RYR1: variants seen among roughly 807,000 people sequenced by gnomAD.
RYR1 encodes the protein ryanodine receptor 1, also known as central core disease of muscle.
Under a neutral mutation model 583.5 loss-of-function variants are expected in RYR1, and 342 were observed. The observed-to-expected ratio is 0.59, with a 90% CI of 0.54 to 0.64. The LOEUF is 0.64. Ranked by LOEUF, RYR1 falls within the 30% of genes least tolerant of loss-of-function variation. The pLI, the probability that RYR1 is intolerant of heterozygous loss-of-function variation, is 0.00. For missense variants in RYR1, 6,032 were observed against 6,917.2 expected, an observed-to-expected ratio of 0.87 and a Z score of 4.54; for synonymous variants, 2,791 against 2,822.5, an observed-to-expected ratio of 0.99 and a Z score of 0.35.
intron 58 of RYR1, among the ~76,000 whole-genome samples, chr19:38,509,459 T>A (rs1366060211): frequency 5.2e-4 from 76 of 146,612 alleles, no homozygotes; most frequent in Admixed American, 1.8e-3. Context: ...TATTTTTTTT[T>A]TTTTTTTTTT....
At chr19:38,437,379 G>A (rs887959070) in intron 1 of RYR1, among the ~76,000 whole-genome samples, 3 of 151,972 alleles carry the variant, frequency 2.0e-5, no homozygotes, top group East Asian at 1.9e-4. Context: ...GGAAAAGTTT[G>A]AGAATCAATG....
chr19:38,500,876 G>A lies in RYR1; in HGVS notation c.7500G>A (p.Ala2500=), dbSNP rs2228072. 0.099 allele frequency: 159,394 copies of A among 1,613,846 alleles called. 9,084 individuals are homozygous for A. Among genetic ancestry groups the A allele is most frequent in the South Asian group, 0.22 (20,115 of 91,072 alleles). ...MSASFVPDHK[A]SMVLFLDRVY... ...CATCCTTCGTGCCGGACCACAAGGCGTCCATGGTGCTCTTCCTGGACCGTG... is the reference window on the plus strand; with the variant it reads ...CATCCTTCGTGCCGGACCACAAGGCATCCATGGTGCTCTTCCTGGACCGTG... The change falls in exon 47 of 106, where the codon GCG becomes GCA. Residue 2500 remains alanine (A), a synonymous_variant. Transcript: ENST00000359596. This position sits in a 1 kb window ranked among gnomAD's most constrained non-coding sequence, Gnocchi z 5.9.
chr19:38,506,617 G>A (rs1970463883), intron 56 of RYR1, 71 bp downstream of exon 56: 1 of 1,575,940 alleles, frequency 6.3e-7, no homozygotes, highest in African/African-American at 1.4e-5. Flanking sequence ...TTGCCTTCAT[G>A]CCCCTGAAAC....
At chr19:38,446,159 ACACT>A (rs893368215) in intron 7 of RYR1, among the ~76,000 whole-genome samples, 5 of 151,920 alleles carry the variant, frequency 3.3e-5, no homozygotes, top group Admixed American at 6.6e-5. Flanking sequence ...CACCACACAC[ACACT>A]CTGACCCCAA....
At chr19:38,437,964 G>A (rs1972499210) in intron 1 of RYR1, among the ~76,000 whole-genome samples, 1 of 148,912 alleles carries the variant, frequency 6.7e-6, no homozygotes, top group South Asian at 2.1e-4. Context: ...TCCACCCCAG[G>A]AGACAGAGTG....
chr19:38,512,266 T>C lies in RYR1; in HGVS notation c.9255T>C (p.Pro3085=). 1 of 1,614,000 alleles carries C rather than the reference T, an allele frequency of 6.2e-7. No homozygotes were observed. The highest frequency in any genetic ancestry group is 2.2e-5 in the East Asian group (1 of 44,890). The change falls in exon 63 of 106, where the codon CCT becomes CCC. Residue 3085 remains proline (P), a synonymous_variant. Transcript: ENST00000359596. The surrounding 1 kb of genome is among the most constrained non-coding windows in gnomAD (Gnocchi z 5.1). ...CTAGGACAGTGATGAAGTCAGGCCCTGAGATCGTGAAGGCTGGCCTCCGCT... is the reference window on the plus strand; with the variant it reads ...CTAGGACAGTGATGAAGTCAGGCCCCGAGATCGTGAAGGCTGGCCTCCGCT... ...LDARTVMKSG[P]EIVKAGLRSF...
Position 38,514,611 on chromosome 19 carries a change from AAGAT to A in RYR1, c.9473-412_9473-409del, listed in dbSNP as rs372652689. Among the ~76,000 whole-genome samples the A allele has an allele frequency of 5.0e-3, 760 of 152,188 alleles. 6 individuals carry two copies. Among genetic ancestry groups the A allele is most frequent in the African/African-American group, 0.017 (717 of 41,528 alleles). ...TATATACATTTTAAATAAAATGAAAAAGATAGCCTAAAATTGCAGCAATATTGCA... is the reference window on the plus strand; with the variant it reads ...TATATACATTTTAAATAAAATGAAAAAGCCTAAAATTGCAGCAATATTGCA... On this transcript the variant is annotated intron_variant, in intron 63 of 105. Transcript: ENST00000359596.
chr19:38,512,575 AT>A lies in RYR1; in HGVS notation c.9472+93del, dbSNP rs1970781002. On this transcript the variant is annotated intron_variant, in intron 63 of 105. Coordinates refer to ENST00000359596, the MANE Select transcript of RYR1 (RefSeq NM_000540.3). The surrounding 1 kb of genome is among the most constrained non-coding windows in gnomAD (Gnocchi z 5.1). ...CCTGTGAGAGTCCCTGGGTGTTTGA[AT>A]GTGTGGATTTCTTGCTGTAAGCAAA... 5.7e-6 allele frequency: 7 copies of A among 1,221,294 alleles called. No individual in the cohort carries two copies. The South Asian group carries it at 8.5e-5, about 15-fold the overall frequency. 75.7% of individuals were successfully genotyped at this position (1,221,294 alleles called of 1,614,324 possible).
intron 90 of RYR1, among the ~76,000 whole-genome samples, chr19:38,562,457 A>C (rs1216466151): frequency 6.6e-6 from 1 of 151,904 alleles, no homozygotes; most frequent in East Asian, 1.9e-4. Context: ...GTTGTTCCTC[A>C]GATGCCGCCA....
At chr19:38,520,693 CAAAAA>C (rs71165555) in intron 67 of RYR1, among the ~76,000 whole-genome samples, 751 of 46,838 alleles carry the variant, frequency 0.016, 8 homozygotes, top group African/African-American at 0.038. Context: ...GGCTCCACCT[CAAAAA>C]AAAAAAAAAA....
chr19:38,528,066 C>T (rs1412013759), intron 73 of RYR1: 3 of 624,912 alleles, frequency 4.8e-6, no homozygotes, highest in Non-Finnish European at 8.5e-6. Flanking sequence ...TTGGGTGGGT[C>T]GTAGAATTGG....
rs1966925511 is a variant in RYR1, at chr19:38,448,783, G to A, written c.1092G>A (p.Lys364=). 6.2e-7 allele frequency: 1 copy of A among 1,614,146 alleles called. No homozygotes were observed. Residue 364 remains lysine, a synonymous_variant, in exon 11 of 106, where the codon AAG becomes AAA. Transcript: ENST00000359596. ...TCACCTATGCTGCTCCAGACCCCAA[G>A]GCCCTGCGGCTCGGCGTGCTCAAGA... The part of the protein sequence containing the change: ...LWLTYAAPDP[K]ALRLGVLKKK...
intron 89 of RYR1, among the ~76,000 whole-genome samples, chr19:38,550,307 T>C (rs568847971): frequency 6.6e-6 from 1 of 152,266 alleles, no homozygotes; most frequent in East Asian, 1.9e-4. Context: ...GAACTGTGCC[T>C]GGGTCTGTCT....
At chr19:38,442,284 G>T in intron 2 of RYR1, 65 bp from the exon 3 acceptor site, 1 of 1,095,972 alleles carries the variant, frequency 9.1e-7, no homozygotes, top group Non-Finnish European at 1.4e-6. Context: ...AGGGAGTGTG[G>T]CAGGGAATGT....
At position 38,475,426 on chromosome 19, in the gene RYR1, C is replaced by G. The variant is rs2229141; in HGVS notation, c.4269C>G (p.Pro1423=). 50 of 1,613,772 alleles carry G rather than the reference C, an allele frequency of 3.1e-5. No individual in the cohort carries two copies. The highest frequency in any genetic ancestry group is 8.3e-5 in the Admixed American group (5 of 59,996). The change falls in exon 29 of 106, where the codon CCC becomes CCG. Residue 1423 remains proline, a synonymous_variant. Coordinates refer to ENST00000359596, the MANE Select transcript of RYR1 (RefSeq NM_000540.3). ...DVVPADNRDD[P]EIILNTTTYY... is the part of the protein sequence containing the mutation. Reference sequence around the variant, plus strand: ...TGCCTGCAGACAACCGCGATGACCCCGAGATCATCCTCAACACCACCACGG... The same window carrying G: ...TGCCTGCAGACAACCGCGATGACCCGGAGATCATCCTCAACACCACCACGG...
At chr19:38,453,782 ACAGT>A (rs1281392828) in intron 13 of RYR1, among the ~76,000 whole-genome samples, 2 of 151,912 alleles carry the variant, frequency 1.3e-5, no homozygotes, top group African/African-American at 2.4e-5. Flanking sequence ...TGTTCCAGAA[ACAGT>A]CAGGTGGTGA....
intron 81 of RYR1, 106 bp downstream of exon 81, chr19:38,535,498 G>C (rs1971927198): frequency 1.1e-6 from 1 of 881,202 alleles, no homozygotes. Flanking sequence ...TCCAGGGAAA[G>C]AGACTCACTC....
intron 84 of RYR1, among the ~76,000 whole-genome samples, chr19:38,539,868 G>A (rs1037802641): frequency 6.6e-6 from 1 of 151,900 alleles, no homozygotes; most frequent in Non-Finnish European, 1.5e-5. Flanking sequence ...CAGGAGCTGT[G>A]TATCTTTTAT....
intron 27 of RYR1, among the ~76,000 whole-genome samples, chr19:38,470,203 G>C (rs563686746): frequency 6.6e-6 from 1 of 151,158 alleles, no homozygotes; most frequent in South Asian, 2.1e-4. Flanking sequence ...AGTGAGCTGT[G>C]TTCACACCAC....
Sources: gnomAD v4.1 joint callset for allele counts (sites outside exome capture counted in the v4.1 genomes callset) on GRCh38, gnomAD v4.1.1 for gene constraint, Gnocchi (gnomAD v3.1) non-coding constraint, MANE v1.5 for transcripts, NCBI Gene and HGNC (gene_info 2026-07-23, HGNC 2026-07-21) for gene names.